TWIST2: variants seen among roughly 807,000 people sequenced by gnomAD.
TWIST2 encodes twist family bHLH transcription factor 2.
Under a neutral mutation model 11.6 loss-of-function variants are expected in TWIST2, and 1 was observed. The observed-to-expected ratio is 0.09, with a 90% CI of 0.03 to 0.41. The LOEUF is 0.41. Ranked by LOEUF, TWIST2 falls within the 10% of genes least tolerant of loss-of-function variation. The pLI is 0.98. For missense variants in TWIST2, 168 were observed against 226.4 expected (o/e 0.74, Z 1.66); for synonymous variants, 87 against 96.6 (o/e 0.90, Z 0.58).
At chr2:238,886,519 C>T (rs1256845650) in intron 1 of TWIST2, among the ~76,000 whole-genome samples, 1 of 151,976 alleles carries the variant, frequency 6.6e-6, no homozygotes, top group Admixed American at 6.6e-5. Flanking sequence ...GGTATTCCCT[C>T]CCCCAACGCA....
At chr2:238,875,729 C>T (rs752673782) in intron 1 of TWIST2, among the ~76,000 whole-genome samples, 3 of 152,134 alleles carry the variant, frequency 2.0e-5, no homozygotes, top group Non-Finnish European at 4.4e-5. Flanking sequence ...GTCACTCAGC[C>T]GAGTTTCTGG....
At chr2:238,870,292 ACACACCCCCACACACCCCACACACCCC>A (rs1559273833) in intron 1 of TWIST2, among the ~76,000 whole-genome samples, 1 of 574 alleles carries the variant, frequency 1.7e-3, no homozygotes, top group Non-Finnish European at 4.7e-3. Flanking sequence ...ATCACATACC[ACACACCCCCACACACCCCACACACCCC>A]CACACACCCC....
At chr2:238,875,715 G>A (rs1318198345) in intron 1 of TWIST2, among the ~76,000 whole-genome samples, 1 of 152,214 alleles carries the variant, frequency 6.6e-6, no homozygotes, top group East Asian at 1.9e-4. Context: ...TTCCCATGAT[G>A]TCAGTCACTC....
At chr2:238,885,797 C>T (rs770214939) in intron 1 of TWIST2, among the ~76,000 whole-genome samples, 2 of 152,066 alleles carry the variant, frequency 1.3e-5, no homozygotes, top group Admixed American at 6.5e-5. Flanking sequence ...ACTGGTTAGG[C>T]GTGGTGGCTC....
In TWIST2 at chr2:238,910,454, G is replaced by C. The variant is rs889655491; in HGVS notation, c.*648G>C. ...ATGTTGCTTGTTTGTTTTATTTATTGAGATATTTTTACAAGCTAAGTGACT... is the reference window on the plus strand; with the variant it reads ...ATGTTGCTTGTTTGTTTTATTTATTCAGATATTTTTACAAGCTAAGTGACT... On this transcript the variant is annotated 3_prime_UTR_variant, in exon 2 of 2. Transcript: ENST00000612363. 2.0e-5 allele frequency: 3 copies of C among 152,074 alleles called. No individual in the cohort carries two copies. In the East Asian group the frequency reaches 5.8e-4, roughly 29 times the overall value. The allele number at this position is 152,074 out of a possible 1,614,324, so 9.4% of individuals were successfully genotyped here.
rs1198540150 is a variant in TWIST2, at chr2:238,863,301, C to A, written c.*35+14568C>A. On this transcript the variant is annotated intron_variant, in intron 1 of 1. Coordinates refer to ENST00000612363, the MANE Select transcript of TWIST2 (RefSeq NM_001271893.4). This position sits in a 1 kb window ranked among gnomAD's most constrained non-coding sequence, Gnocchi z 4.7. ...GACTTAGGTACTTGCTGAAGTAATA[C>A]AAAAGAGTGGCCTTCAGAATATATT... Among the ~76,000 whole-genome samples, 1 of 152,154 alleles carries A rather than the reference C, an allele frequency of 6.6e-6. No individual in the cohort carries two copies. The highest frequency in any genetic ancestry group is 1.5e-5 in the Non-Finnish European group (1 of 68,030).
At chr2:238,888,788 A>C (rs1212187409) in intron 1 of TWIST2, among the ~76,000 whole-genome samples, 1 of 152,214 alleles carries the variant, frequency 6.6e-6, no homozygotes, top group Non-Finnish European at 1.5e-5. Flanking sequence ...TATTTCAACC[A>C]AAATCAGTCA....
chr2:238,871,295 C>G (rs1692692880), intron 1 of TWIST2, among the ~76,000 whole-genome samples: 1 of 41,756 alleles, frequency 2.4e-5, no homozygotes. Flanking sequence ...CCACACACTC[C>G]CCACACACAT....
intron 1 of TWIST2, among the ~76,000 whole-genome samples, chr2:238,871,361 T>C (rs1373923115): frequency 5.4e-4 from 9 of 16,644 alleles, no homozygotes; most frequent in Non-Finnish European, 6.2e-4. Flanking sequence ...ACACACACAG[T>C]ACACACTACA....
intron 1 of TWIST2, among the ~76,000 whole-genome samples, chr2:238,870,047 G>A (rs866183438): frequency 7.1e-6 from 1 of 140,102 alleles, no homozygotes; most frequent in East Asian, 2.1e-4. Flanking sequence ...AGACAGTACG[G>A]AGGGTCCTCA....
chr2:238,903,026 T>G lies in TWIST2; in HGVS notation c.*36-6816T>G, dbSNP rs1180442906. Among the ~76,000 whole-genome samples, 5 of 58,050 alleles carry G rather than the reference T, an allele frequency of 8.6e-5. 1 individual carries two copies. Among genetic ancestry groups the G allele is most frequent in the Admixed American group, 6.3e-4 (3 of 4,728 alleles). The allele number at this position is 58,050 out of a possible 152,430, so 38.1% of individuals were successfully genotyped here. A position where few individuals can be genotyped will look rare whatever the true frequency, so the allele number is the denominator to read the frequency against. On this transcript the variant is annotated intron_variant, in intron 1 of 1. Transcript: ENST00000612363. Reference sequence around the variant, plus strand: ...TGATGTGAGGTGTGTGTGATGTGGGTGTGTGTGATGTGTGAGGTGTGTGTG... The same window carrying G: ...TGATGTGAGGTGTGTGTGATGTGGGGGTGTGTGATGTGTGAGGTGTGTGTG...
intron 1 of TWIST2, among the ~76,000 whole-genome samples, chr2:238,897,098 C>G (rs1693215595): frequency 6.6e-6 from 1 of 152,200 alleles, no homozygotes. Flanking sequence ...TGCTTTCCAT[C>G]CCTTTCCTCT....
intron 1 of TWIST2, among the ~76,000 whole-genome samples, chr2:238,908,802 T>C (rs1240085625): frequency 6.6e-6 from 1 of 150,878 alleles, no homozygotes; most frequent in Non-Finnish European, 1.5e-5. Flanking sequence ...GTGGGATGCG[T>C]GTGTAGTGTG....
chr2:238,896,399 A>G (rs2106371350), intron 1 of TWIST2, among the ~76,000 whole-genome samples: 1 of 152,312 alleles, frequency 6.6e-6, no homozygotes, highest in Admixed American at 6.5e-5. Flanking sequence ...CCCCATTTCA[A>G]GCCAGTGGTG....
At chr2:238,877,483 A>C (rs1354043176) in intron 1 of TWIST2, among the ~76,000 whole-genome samples, 1 of 152,240 alleles carries the variant, frequency 6.6e-6, no homozygotes, top group African/African-American at 2.4e-5. Flanking sequence ...GACTGAAGGC[A>C]ATTGCTAAGT....
At chr2:238,876,041 C>T (rs918768155) in intron 1 of TWIST2, among the ~76,000 whole-genome samples, 4 of 152,274 alleles carry the variant, frequency 2.6e-5, no homozygotes, top group East Asian at 1.9e-4. Flanking sequence ...TAGCTGTGGA[C>T]GTGGGGGACC....
rs1692559857 is a variant in TWIST2 at position 238,867,370 on chromosome 2, A to AAGACACACAC, written c.*35+18638_*35+18639insGACACACACA. Among the ~76,000 whole-genome samples, 1 of 119,634 alleles carries AAGACACACAC rather than the reference A, an allele frequency of 8.4e-6. No homozygotes were observed. Among genetic ancestry groups the AAGACACACAC allele is most frequent in the Non-Finnish European group, 1.7e-5 (1 of 58,886 alleles). 78.5% of individuals were successfully genotyped at this position (119,634 alleles called of 152,430 possible). On this transcript the variant is annotated intron_variant, in intron 1 of 1. Transcript: ENST00000612363. This position sits in a 1 kb window ranked among gnomAD's most constrained non-coding sequence, Gnocchi z 4.8. Reference sequence around the variant, plus strand: ...CTGGGGAGTAAAATGTCCTGCCTTCAACACACACACACACACACACACACA... The same window carrying AAGACACACAC: ...CTGGGGAGTAAAATGTCCTGCCTTCAAGACACACACACACACACACACACACACACACACA...
intron 1 of TWIST2, among the ~76,000 whole-genome samples, chr2:238,886,113 A>G (rs971549459): frequency 1.4e-5 from 2 of 139,856 alleles, no homozygotes; most frequent in Non-Finnish European, 3.2e-5. Context: ...AAAAAAAAAA[A>G]TCACATTACT....
chr2:238,879,120 C>T (rs529304920), intron 1 of TWIST2, among the ~76,000 whole-genome samples: 2 of 152,238 alleles, frequency 1.3e-5, no homozygotes, highest in African/African-American at 4.8e-5. Flanking sequence ...CCTGGGCGGA[C>T]ACACAGCCTT....
Sources: gnomAD v4.1 joint callset for allele counts (sites outside exome capture counted in the v4.1 genomes callset) on GRCh38, gnomAD v4.1.1 for gene constraint, Gnocchi (gnomAD v3.1) non-coding constraint, MANE v1.5 for transcripts, NCBI Gene and HGNC (gene_info 2026-07-23, HGNC 2026-07-21) for gene names.